PTPRJ: variants seen among roughly 807,000 people sequenced by gnomAD.
The protein encoded by PTPRJ is receptor-type tyrosine-protein phosphatase eta.
Under a neutral mutation model 141.3 loss-of-function variants are expected in PTPRJ, and 129 were observed. The ratio of observed to expected loss-of-function variants is 0.91; its 90% CI spans 0.79 to 1.06. The LOEUF is 1.06. Ranked by LOEUF, PTPRJ falls within the 50% of genes least tolerant of loss-of-function variation. PTPRJ has a pLI of 0.00. For synonymous variants in PTPRJ, 610 were observed against 640.5 expected (o/e 0.95, Z 0.72); for missense variants, 1,601 against 1,679.7 (o/e 0.95, Z 0.82).
At chr11:48,148,557 C>A (rs986902244) in intron 15 of PTPRJ, among the ~76,000 whole-genome samples, 1 of 152,144 alleles carries the variant, frequency 6.6e-6, no homozygotes, top group Non-Finnish European at 1.5e-5. Context: ...CCTGTCTCAG[C>A]CTCCCAAGTA....
chr11:48,132,341 C>A, intron 8 of PTPRJ: 1 of 974,918 alleles, frequency 1.0e-6, no homozygotes, highest in Non-Finnish European at 1.2e-6. Flanking sequence ...TGCAGACTAG[C>A]ACCAGCCTGG....
At chr11:48,102,235 C>T (rs1856167307) in intron 1 of PTPRJ, among the ~76,000 whole-genome samples, 2 of 152,160 alleles carry the variant, frequency 1.3e-5, no homozygotes, top group African/African-American at 2.4e-5. Flanking sequence ...TGGCAACTGC[C>T]ATTTGTCCTC....
intron 1 of PTPRJ, among the ~76,000 whole-genome samples, chr11:47,985,764 G>A (rs367882461): frequency 3.0e-4 from 46 of 151,844 alleles, no homozygotes; most frequent in Middle Eastern, 6.8e-3. Context: ...GCTGTGGCAC[G>A]ATCTCGGCTC....
intron 1 of PTPRJ, among the ~76,000 whole-genome samples, chr11:48,042,894 T>A (rs1297445517): frequency 6.6e-6 from 1 of 152,056 alleles, no homozygotes; most frequent in Non-Finnish European, 1.5e-5. Context: ...CAGGACTTCC[T>A]GAAATGTAAG....
intron 1 of PTPRJ, among the ~76,000 whole-genome samples, chr11:48,105,299 G>A (rs1856259847): frequency 6.6e-6 from 1 of 151,858 alleles, no homozygotes; most frequent in Non-Finnish European, 1.5e-5. Flanking sequence ...ACCACCTTAA[G>A]CACCCTCTGC....
chr11:48,030,428 T>TG (rs1397085695), intron 1 of PTPRJ, among the ~76,000 whole-genome samples: 3 of 152,220 alleles, frequency 2.0e-5, no homozygotes, highest in African/African-American at 4.8e-5. Context: ...CCATGATGGC[T>TG]GCTGGGGCTC....
chr11:48,097,032 C>G (rs184951701), intron 1 of PTPRJ, among the ~76,000 whole-genome samples: 3 of 152,136 alleles, frequency 2.0e-5, no homozygotes, highest in African/African-American at 7.2e-5. Flanking sequence ...TTCAGCCCAC[C>G]CTCCTGTTCC....
At chr11:48,129,054 C>G (rs1856907695) in intron 7 of PTPRJ, among the ~76,000 whole-genome samples, 1 of 152,224 alleles carries the variant, frequency 6.6e-6, no homozygotes, top group African/African-American at 2.4e-5. Flanking sequence ...GTTTATTTCT[C>G]TCTCCTGTAA....
rs760023621 is a variant in PTPRJ at position 48,163,591 on chromosome 11, C to T, written c.3692C>T (p.Pro1231Leu). 3 of 1,613,956 alleles carry T rather than the reference C, an allele frequency of 1.9e-6. No homozygotes were observed. The highest frequency in any genetic ancestry group is 1.3e-5 in the African/African-American group (1 of 75,040). ...LVRDYMKQSP[P>L]ESPILVHCSA... Reference sequence around the variant, plus strand: ...CGTGACTACATGAAGCAGAGTCCTCCCGAATCGCCGATTCTGGTGCATTGC... The same window carrying T: ...CGTGACTACATGAAGCAGAGTCCTCTCGAATCGCCGATTCTGGTGCATTGC... Residue 1231 changes from proline (P) to leucine (L), a missense_variant, in exon 23 of 25, where the codon CCC (proline) becomes CTC (leucine). Transcript: ENST00000418331.
chr11:47,980,770 C>T lies in PTPRJ; in HGVS notation c.-143C>T, dbSNP rs1433932690. 7 of 1,025,044 alleles carry T rather than the reference C, an allele frequency of 6.8e-6. No homozygotes were observed. The highest frequency in any genetic ancestry group is 5.8e-5 in the Admixed American group (1 of 17,390). 63.5% of individuals were successfully genotyped at this position (1,025,044 alleles called of 1,614,324 possible). A position where few individuals can be genotyped will look rare whatever the true frequency, so the allele number is the denominator to read the frequency against. On this transcript the variant is annotated 5_prime_UTR_variant, in exon 1 of 25. Transcript: ENST00000418331. ...GCCATGTCTCCGGGGAAGCCCGGGG[C>T]GGGCGGAGCGGGGACGAGGCGGACC...
At chr11:48,028,981 G>A (rs747778897) in intron 1 of PTPRJ, among the ~76,000 whole-genome samples, 6 of 152,232 alleles carry the variant, frequency 3.9e-5, no homozygotes, top group Admixed American at 6.5e-5. Flanking sequence ...AATTGTCACT[G>A]TATGGTTTCA....
At chr11:48,063,422 C>T (rs962849421) in intron 1 of PTPRJ, among the ~76,000 whole-genome samples, 10 of 152,186 alleles carry the variant, frequency 6.6e-5, no homozygotes, top group East Asian at 3.8e-4. Context: ...GTCTCTTTCT[C>T]GCACTGCTCT....
chr11:48,107,988 G>A (rs1856339029), intron 1 of PTPRJ, among the ~76,000 whole-genome samples: 1 of 152,212 alleles, frequency 6.6e-6, no homozygotes, highest in Admixed American at 6.5e-5. Context: ...GGAGGCTTAG[G>A]TGAGAGGATC....
intron 1 of PTPRJ, among the ~76,000 whole-genome samples, chr11:48,031,451 T>G (rs1477664655): frequency 6.6e-6 from 1 of 152,206 alleles, no homozygotes; most frequent in African/African-American, 2.4e-5. Flanking sequence ...AAGGCCCTAC[T>G]GGATTCCAAA....
intron 3 of PTPRJ, among the ~76,000 whole-genome samples, chr11:48,120,152 A>G (rs995155144): frequency 1.2e-4 from 19 of 152,184 alleles, no homozygotes; most frequent in Non-Finnish European, 2.2e-4. Context: ...AGTGTGGTGT[A>G]CTAGAGCTAT....
At chr11:48,132,382 T>C (rs1022113691) in intron 8 of PTPRJ, 22 of 977,772 alleles carry the variant, frequency 2.3e-5, no homozygotes, top group South Asian at 4.7e-5. Flanking sequence ...AATTTTTTTT[T>C]ATAGAAACAG....
At chr11:48,129,878 C>T (rs1370873365) in intron 7 of PTPRJ, among the ~76,000 whole-genome samples, 1 of 152,018 alleles carries the variant, frequency 6.6e-6, no homozygotes, top group Non-Finnish European at 1.5e-5. Context: ...TGTGCCCCAC[C>T]CTTAAAGGAC....
At chr11:48,167,132 G>C in intron 24 of PTPRJ, 72 bp from the exon 25 acceptor site, 4 of 1,460,354 alleles carry the variant, frequency 2.7e-6, no homozygotes, top group Non-Finnish European at 3.8e-6. Flanking sequence ...TGACCTGTTT[G>C]AAAATAATTT....
intron 1 of PTPRJ, among the ~76,000 whole-genome samples, chr11:47,999,941 C>G (rs914605133): frequency 6.7e-6 from 1 of 149,438 alleles, no homozygotes; most frequent in Non-Finnish European, 1.5e-5. Flanking sequence ...ACTGCAACCT[C>G]CGCCTTCTGG....
Sources: allele counts gnomAD v4.1 joint callset (sites outside exome capture counted in the v4.1 genomes callset), GRCh38; gene constraint gnomAD v4.1.1; transcripts MANE v1.5; gene names NCBI Gene and HGNC (gene_info 2026-07-23, HGNC 2026-07-21).